Variants in TBL2 observed in about 807,000 individuals in gnomAD.
TBL2 encodes the protein transducin beta like 2.
In TBL2, 33 loss-of-function variants were observed where a neutral mutation model predicts 41.8. That is an observed-to-expected ratio of 0.79 (90% CI 0.60 to 1.06). TBL2 has a LOEUF of 1.06. Ranked by LOEUF, TBL2 falls within the 50% of genes least tolerant of loss-of-function variation. TBL2 has a pLI of 0.00. For missense variants in TBL2, 522 were observed against 603.8 expected (o/e 0.86, Z 1.42); for synonymous variants, 239 against 241.7 (o/e 0.99, Z 0.10).
rs782147587 is a variant in TBL2 at position 73,571,254 on chromosome 7, T to G, written c.813A>C (p.Arg271=). The G allele has an allele frequency of 1.9e-6, 3 of 1,614,084 alleles. No homozygotes were observed. Among genetic ancestry groups the G allele is most frequent in the Non-Finnish European group, 2.5e-6 (3 of 1,180,040 alleles). Residue 271 remains arginine, a synonymous_variant, in exon 6 of 7, where the codon CGA becomes CGC. Coordinates refer to ENST00000305632, the MANE Select transcript of TBL2 (RefSeq NM_012453.4). ...CGGAGTGGCCCTTTAGTTCGAAGGC[T>G]CGCACCACCTCCTGGAACTCCCCCT... ...GKKGEFQEVV[R]AFELKGHSAA... is the part of the protein sequence containing the mutation.
chr7:73,575,747 T>TA, intron 1 of TBL2, among the ~76,000 whole-genome samples: 1 of 152,250 alleles, frequency 6.6e-6, no homozygotes, highest in Admixed American at 6.5e-5. Context: ...TTGGTTTTCT[T>TA]AAAGAGAGGT....
In TBL2 at chr7:73,569,663, T is replaced by C. The variant is rs1297140163; in HGVS notation, c.*844A>G. 2 of 152,214 alleles carry C rather than the reference T, an allele frequency of 1.3e-5. No homozygotes were observed. Among genetic ancestry groups the C allele is most frequent in the African/African-American group, 4.8e-5 (2 of 41,458 alleles). 9.4% of individuals were successfully genotyped at this position (152,214 alleles called of 1,614,324 possible). On this transcript the variant is annotated 3_prime_UTR_variant, in exon 7 of 7. Transcript: ENST00000305632. ...CTTTGATGGCAGAAACCATGTCTTA[T>C]TCGTATTTAATCCCCAGCTCATATT...
chr7:73,576,167 A>C (rs375495247), intron 1 of TBL2, among the ~76,000 whole-genome samples: 1 of 151,290 alleles, frequency 6.6e-6, no homozygotes, highest in East Asian at 2.0e-4. Flanking sequence ...TCATGCCTGT[A>C]ATCCCAGCGC....
At chr7:73,573,119 G>A (rs1282109822) in intron 4 of TBL2, 149 bp from the exon 5 acceptor site, 45 of 1,390,392 alleles carry the variant, frequency 3.2e-5, no homozygotes, top group Middle Eastern at 2.4e-4. Flanking sequence ...GCTGAAGACT[G>A]TGGCCCTTCC....
At position 73,570,155 on chromosome 7, in the gene TBL2, T is replaced by G. The variant is rs1554586996; in HGVS notation, c.*352A>C. The G allele has an allele frequency of 4.7e-6, 1 of 210,860 alleles. No individual in the cohort carries two copies. Among genetic ancestry groups the G allele is most frequent in the Admixed American group, 5.1e-5 (1 of 19,420 alleles). The allele number at this position is 210,860 out of a possible 1,614,324, so 13.1% of individuals were successfully genotyped here. ...GTTCTCTAGGTTGTTCTGGAACATT[T>G]ACAAACTTCTTTGGGTGTGAGGATG... On this transcript the variant is annotated 3_prime_UTR_variant, in exon 7 of 7. Transcript: ENST00000305632.
At chr7:73,576,438 C>A (rs1020975138) in intron 1 of TBL2, 8 of 328,626 alleles carry the variant, frequency 2.4e-5, no homozygotes, top group Middle Eastern at 1.1e-3. Context: ...TGGTGGCAGG[C>A]GCCTGTAATC....
intron 1 of TBL2, among the ~76,000 whole-genome samples, chr7:73,575,270 C>T (rs555220862): frequency 2.0e-5 from 3 of 151,150 alleles, no homozygotes; most frequent in East Asian, 3.9e-4. Context: ...GGATCATGGG[C>T]GTGCACCACC....
chr7:73,573,446 CG>C lies in TBL2; in HGVS notation c.471del (p.Asn157LysfsTer10). 1 of 1,614,048 alleles carries C rather than the reference CG, an allele frequency of 6.2e-7. No individual in the cohort carries two copies. On this transcript the variant is annotated frameshift_variant, in exon 4 of 7. Transcript: ENST00000305632. LOFTEE classifies it high-confidence loss of function. ...ATCTTGAAGACACGGAGGGTGTCCC[CG>C]TTGGCCAGCCAGACGATGAAGGCTC... ...DCRAFIVWLANGDTLRVFKMT... is the reference protein window; with the variant it reads ...DCRAFIVWLAXGDTLRVFKMT...
Position 73,578,424 on chromosome 7 carries a change from G to T in TBL2, c.126C>A (p.Pro42=), listed in dbSNP as rs10225949. 12,326 of 1,526,486 alleles carry T rather than the reference G, an allele frequency of 8.1e-3. 849 individuals carry two copies. The African/African-American group carries it at 0.15, about 19-fold the overall frequency. 94.6% of individuals were successfully genotyped at this position (1,526,486 alleles called of 1,614,324 possible). The change falls in exon 1 of 7, where the codon CCC becomes CCA. Residue 42 remains proline (P), a synonymous_variant. Coordinates refer to ENST00000305632, the MANE Select transcript of TBL2 (RefSeq NM_012453.4). ...LRAGEERSGR[P]ACQKANGFPP... ...ACCCGACCCGGCCCCACTTACAGGCGGGCCGGCCGCTCCTCTCCTCCCCCG... is the reference window on the plus strand; with the variant it reads ...ACCCGACCCGGCCCCACTTACAGGCTGGCCGGCCGCTCCTCTCCTCCCCCG...
intron 6 of TBL2, 102 bp downstream of exon 6, chr7:73,571,087 C>A: frequency 6.3e-7 from 1 of 1,582,260 alleles, no homozygotes; most frequent in Admixed American, 1.8e-5. Context: ...GAGGGCCAGG[C>A]ACCCCACCCT....
At position 73,577,192 on chromosome 7, in the gene TBL2, G is replaced by A. The variant is rs189095215; in HGVS notation, c.130+1228C>T. Among the ~76,000 whole-genome samples the A allele has an allele frequency of 2.7e-5, 4 of 148,790 alleles. No individual in the cohort carries two copies. In the East Asian group the frequency reaches 6.0e-4, roughly 22 times the overall value. On this transcript the variant is annotated intron_variant, in intron 1 of 6. Coordinates refer to ENST00000305632, the MANE Select transcript of TBL2 (RefSeq NM_012453.4). ...AGGAGAATGGCGTGAACCCAGAGGC[G>A]GAGCTTGCAGTGAGCCGAGATCCCG...
At chr7:73,573,095 C>A in intron 4 of TBL2, 125 bp from the exon 5 acceptor site, 1 of 1,447,096 alleles carries the variant, frequency 6.9e-7, no homozygotes. Flanking sequence ...AGGGTCACTA[C>A]AGATAAGGAC....
chr7:73,578,377 C>T, intron 1 of TBL2, 43 bp downstream of exon 1: 2 of 1,521,274 alleles, frequency 1.3e-6, no homozygotes, highest in Non-Finnish European at 1.8e-6. Flanking sequence ...GGCCGGGAGC[C>T]GGGACACCGC....
intron 4 of TBL2, 90 bp from the exon 5 acceptor site, chr7:73,573,060 A>G: frequency 3.2e-6 from 5 of 1,567,604 alleles, no homozygotes; most frequent in Non-Finnish European, 4.3e-6. Flanking sequence ...TGCTGCCCGA[A>G]GTATACATGT....
At chr7:73,575,767 G>A (rs1187990457) in intron 1 of TBL2, among the ~76,000 whole-genome samples, 1 of 152,196 alleles carries the variant, frequency 6.6e-6, no homozygotes, top group Non-Finnish European at 1.5e-5. Context: ...TTGAGAACTG[G>A]GGGCGGTGGC....
chr7:73,573,862 C>T (rs1554588278), intron 3 of TBL2, 76 bp downstream of exon 3: 3 of 1,559,420 alleles, frequency 1.9e-6, no homozygotes, highest in Non-Finnish European at 2.6e-6. Flanking sequence ...TCCTCACTAC[C>T]TCAAAGCAGA....
At chr7:73,574,665 CAG>C in intron 1 of TBL2, 152 bp from the exon 2 acceptor site, 1 of 1,096,998 alleles carries the variant, frequency 9.1e-7, no homozygotes, top group Non-Finnish European at 1.3e-6. Context: ...TGGGCAAAAA[CAG>C]AGGCTTTGGC....
At chr7:73,572,709 C>G in intron 5 of TBL2, 135 bp downstream of exon 5, 1 of 1,252,808 alleles carries the variant, frequency 8.0e-7, no homozygotes, top group Non-Finnish European at 1.1e-6. Context: ...GTGGGGAGAG[C>G]TGAGACTTGA....
At position 73,573,979 on chromosome 7, in the gene TBL2, C is replaced by T. The variant is rs78529661; in HGVS notation, c.405G>A (p.Glu135=). 3.2e-3 allele frequency: 5,147 copies of T among 1,614,094 alleles called. 131 individuals are homozygous for T. The African/African-American group carries it at 0.057, about 18-fold the overall frequency. ...REHRSMRANV[E]LDHATLVRFS... is the part of the protein sequence containing the mutation. The stretch of plus-strand genomic sequence containing the variant: ...AGCGCACCAGGGTGGCGTGGTCCAG[C>T]TCCACGTTGGCTCTCATGCTGCGGT... Residue 135 remains glutamate, a synonymous_variant, in exon 3 of 7, where the codon GAG becomes GAA. Transcript: ENST00000305632.
Sources: allele counts gnomAD v4.1 joint callset (sites outside exome capture counted in the v4.1 genomes callset), GRCh38; gene constraint gnomAD v4.1.1; transcripts MANE v1.5; gene names NCBI Gene and HGNC (gene_info 2026-07-23, HGNC 2026-07-21).